The following PHACTR2 variants were observed in gnomAD, a reference collection of about 807,000 sequenced individuals.
The protein encoded by PHACTR2 is phosphatase and actin regulator 2.
Under a neutral mutation model 76.0 loss-of-function variants are expected in PHACTR2, and 30 were observed. The ratio of observed to expected loss-of-function variants is 0.39; its 90% CI spans 0.30 to 0.54. The LOEUF (loss-of-function observed/expected upper bound fraction) is 0.54, where lower values mean the gene tolerates loss of function less well. PHACTR2 is among the 20% of genes least tolerant of loss of function. The pLI is 0.61. For synonymous variants in PHACTR2, 292 were observed against 292.5 expected, an observed-to-expected ratio of 1.00 and a Z score of 0.02; for missense variants, 696 against 781.1, an observed-to-expected ratio of 0.89 and a Z score of 1.30.
At chr6:143,607,257 C>A (rs1775889705), upstream of PHACTR2, among the ~76,000 whole-genome samples, 1 of 152,178 alleles carries the variant, frequency 6.6e-6, no homozygotes, top group African/African-American at 2.4e-5. Context: ...GAGGTCATTG[C>A]AAATCTTTGT....
In PHACTR2 at chr6:143,562,188, T is replaced by C. The variant is rs1459989399; in HGVS notation, c.217+24981T>C. Among the ~76,000 whole-genome samples the C allele has an allele frequency of 6.6e-6, 1 of 152,214 alleles. No homozygotes were observed. The highest frequency in any genetic ancestry group is 6.5e-5 in the Admixed American group (1 of 15,280). On this transcript the variant is annotated intron_variant, in intron 1 of 11. Coordinates refer to the PHACTR2 transcript ENST00000367584. The surrounding 1 kb of genome is among the most constrained non-coding windows in gnomAD (Gnocchi z 5.1). The stretch of plus-strand genomic sequence containing the variant: ...TCTGTTTACTTGATGTATTAGGCCA[T>C]TCTTGCACTGCTATGAATAAATACC...
At chr6:143,768,126 A>G (rs942798738) in intron 6 of PHACTR2, among the ~76,000 whole-genome samples, 1 of 152,184 alleles carries the variant, frequency 6.6e-6, no homozygotes, top group Non-Finnish European at 1.5e-5. Context: ...GTGAGCCACC[A>G]TACCCAGCTA....
In PHACTR2 at chr6:143,824,814, C is replaced by G. The variant is rs11963739; in HGVS notation, c.*1125C>G. ...AAAGGACACAGATCAAAAAAACACC[C>G]AAAGGCTTAACAGAACATGGAAAGT... On this transcript the variant is annotated 3_prime_UTR_variant, in exon 13 of 13. Transcript: ENST00000440869. The surrounding 1 kb of genome is among the most constrained non-coding windows in gnomAD (Gnocchi z 6.3). The G allele has an allele frequency of 0.048, 7,287 of 151,774 alleles. 207 individuals carry two copies. The highest frequency in any genetic ancestry group is 0.13 in the South Asian group (601 of 4,800). 9.4% of individuals were successfully genotyped at this position (151,774 alleles called of 1,614,324 possible).
chr6:143,603,828 G>A (rs1775839232), upstream of PHACTR2, among the ~76,000 whole-genome samples: 1 of 152,178 alleles, frequency 6.6e-6, no homozygotes, highest in South Asian at 2.1e-4. Context: ...GCTGGGTGGG[G>A]TGGCTCATGC....
chr6:143,705,845 C>T (rs1041147661), intron 1 of PHACTR2, among the ~76,000 whole-genome samples: 1 of 152,194 alleles, frequency 6.6e-6, no homozygotes, highest in East Asian at 1.9e-4. Flanking sequence ...TCTTTCCATA[C>T]TGCACTCTTT....
Position 143,729,589 on chromosome 6 carries a change from AT to A in PHACTR2, c.214+17407del, listed in dbSNP as rs1230791934. ...TATTTCAATATCATTTGTTGAAAAG[AT>A]CATCCTTTTTCTATTAAGTTGCCTT... On this transcript the variant is annotated intron_variant, in intron 2 of 12. Transcript: ENST00000440869. 9.2e-5 allele frequency among the ~76,000 whole-genome samples: 14 copies of A among 152,282 alleles called. No homozygotes were observed. The Middle Eastern group carries it at 0.014, about 148-fold the overall frequency.
At chr6:143,661,724 T>A (rs1187821186) in intron 1 of PHACTR2, among the ~76,000 whole-genome samples, 2 of 151,862 alleles carry the variant, frequency 1.3e-5, no homozygotes, top group Non-Finnish European at 2.9e-5. Context: ...CCTGGCTAAT[T>A]TTTTGTATTT....
rs1281331844 is a variant in PHACTR2, at chr6:143,775,586, C to T, written c.1589+1371C>T. Among the ~76,000 whole-genome samples, 1 of 152,194 alleles carries T rather than the reference C, an allele frequency of 6.6e-6. No homozygotes were observed. The highest frequency in any genetic ancestry group is 1.9e-4 in the East Asian group (1 of 5,200). On this transcript the variant is annotated intron_variant, in intron 8 of 12. Transcript: ENST00000440869. The surrounding 1 kb of genome is among the most constrained non-coding windows in gnomAD (Gnocchi z 4.4). ...CCAGAATTAGAATTTCGCTCCTGGG[C>T]TCTCTGCCCAATTTTCTTTTGTATA... is the stretch of plus-strand genomic sequence containing the variant.
Position 143,807,195 on chromosome 6 carries a change from G to T in PHACTR2, c.1922+62G>T. Reference sequence around the variant, plus strand: ...TTAAGATGTGATCCCATGTTGAGTTGGTTAAAAAAAGAAATTGCTTACAAT... The same window carrying T: ...TTAAGATGTGATCCCATGTTGAGTTTGTTAAAAAAAGAAATTGCTTACAAT... On this transcript the variant is annotated intron_variant, in intron 12 of 12. Transcript: ENST00000440869. The surrounding 1 kb of genome is among the most constrained non-coding windows in gnomAD (Gnocchi z 5.5). The T allele has an allele frequency of 2.1e-6, 2 of 949,668 alleles. No homozygotes were observed. The highest frequency in any genetic ancestry group is 4.9e-5 in the East Asian group (2 of 40,524). 58.8% of individuals were successfully genotyped at this position (949,668 alleles called of 1,614,324 possible). A position where few individuals can be genotyped will look rare whatever the true frequency, so the allele number is the denominator to read the frequency against.
Position 143,791,409 on chromosome 6 carries a change from G to C in PHACTR2, c.1845+2499G>C, listed in dbSNP as rs1775687560. ...TGATTTGCAACCTTGGCTACAAATTGGAATCACCTATAGATCTTTAAGAAT... is the reference window on the plus strand; with the variant it reads ...TGATTTGCAACCTTGGCTACAAATTCGAATCACCTATAGATCTTTAAGAAT... On this transcript the variant is annotated intron_variant, in intron 11 of 12. Transcript: ENST00000440869. The surrounding 1 kb of genome is among the most constrained non-coding windows in gnomAD (Gnocchi z 4.7). Among the ~76,000 whole-genome samples, 1 of 152,176 alleles carries C rather than the reference G, an allele frequency of 6.6e-6. No homozygotes were observed. Among genetic ancestry groups the C allele is most frequent in the African/African-American group, 2.4e-5 (1 of 41,438 alleles).
rs1775578293 is a variant in PHACTR2, at chr6:143,787,271, G to C, written c.1708-1502G>C. 6.6e-6 allele frequency among the ~76,000 whole-genome samples: 1 copy of C among 152,198 alleles called. No individual in the cohort carries two copies. The highest frequency in any genetic ancestry group is 1.9e-4 in the East Asian group (1 of 5,188). On this transcript the variant is annotated intron_variant, in intron 10 of 12. Coordinates refer to ENST00000440869, the MANE Select transcript of PHACTR2 (RefSeq NM_001100164.2). This position sits in a 1 kb window ranked among gnomAD's most constrained non-coding sequence, Gnocchi z 4.6. ...AGAATTTCTAACCTATATTGCCATT[G>C]GTCACTTTCCTTCTAGCCAGTTCTT...
At chr6:143,628,963 A>G (rs1182894953) in intron 1 of PHACTR2, among the ~76,000 whole-genome samples, 2 of 99,848 alleles carry the variant, frequency 2.0e-5, no homozygotes, top group African/African-American at 4.0e-5. Context: ...ATATATATAT[A>G]TATATATATA....
rs199519104 is a variant in PHACTR2 at position 143,784,344 on chromosome 6, T to C, written c.1707+1064T>C. Among the ~76,000 whole-genome samples, 31 of 152,368 alleles carry C rather than the reference T, an allele frequency of 2.0e-4. 1 individual carries two copies. The East Asian group carries it at 5.6e-3, about 27-fold the overall frequency. ...GTTAGGGCCATCACTTTTTTCTGTG[T>C]TAAAGTAATAGCCTTTGGAAAAATC... On this transcript the variant is annotated intron_variant, in intron 10 of 12. Coordinates refer to ENST00000440869, the MANE Select transcript of PHACTR2 (RefSeq NM_001100164.2). This position sits in a 1 kb window ranked among gnomAD's most constrained non-coding sequence, Gnocchi z 4.5.
In PHACTR2 at chr6:143,616,851, C is replaced by T. The variant is rs995011674; in HGVS notation, c.13+8529C>T. ...CTAAGGAATGAAAAGGAATCAGCCA[C>T]GTGAGAGCCAGGGTAAAAATGTGTC... is the stretch of plus-strand genomic sequence containing the variant. On this transcript the variant is annotated intron_variant, in intron 1 of 11. Coordinates refer to the PHACTR2 transcript ENST00000305766. This position sits in a 1 kb window ranked among gnomAD's most constrained non-coding sequence, Gnocchi z 4.9. Among the ~76,000 whole-genome samples, 7 of 152,154 alleles carry T rather than the reference C, an allele frequency of 4.6e-5. No individual in the cohort carries two copies. Among genetic ancestry groups the T allele is most frequent in the African/African-American group, 7.2e-5 (3 of 41,518 alleles).
rs1776078599 is a variant in PHACTR2 at position 143,806,943 on chromosome 6, C to T, written c.1846-114C>T. The T allele has an allele frequency of 3.0e-5, 17 of 560,342 alleles. No homozygotes were observed. The highest frequency in any genetic ancestry group is 4.4e-5 in the Non-Finnish European group (14 of 314,854). 34.7% of individuals were successfully genotyped at this position (560,342 alleles called of 1,614,324 possible). On this transcript the variant is annotated intron_variant, in intron 11 of 12. Transcript: ENST00000440869. The surrounding 1 kb of genome is among the most constrained non-coding windows in gnomAD (Gnocchi z 5.8). ...CTCCACTCCAGCTTGGATGACAGAG[C>T]GAGACTCTATCTCTTAAAAAAAAAA... is the stretch of plus-strand genomic sequence containing the variant.
chr6:143,769,508 C>T (rs542551777), intron 6 of PHACTR2, among the ~76,000 whole-genome samples: 1 of 152,196 alleles, frequency 6.6e-6, no homozygotes, highest in Non-Finnish European at 1.5e-5. Flanking sequence ...AGTCTTCAGT[C>T]TGGATTCTAG....
chr6:143,745,597 C>T (rs1171752882), intron 2 of PHACTR2, among the ~76,000 whole-genome samples: 1 of 152,208 alleles, frequency 6.6e-6, no homozygotes, highest in African/African-American at 2.4e-5. Context: ...TGCAAACATG[C>T]AGGCACTATA....
chr6:143,712,229 G>A (rs3762004), intron 2 of PHACTR2, 46 bp downstream of exon 2: 138,294 of 1,248,304 alleles, frequency 0.11, 9,747 homozygotes, highest in East Asian at 0.35. Context: ...ATTGTAAAAC[G>A]TTTTAAAAGG....
intron 1 of PHACTR2, among the ~76,000 whole-genome samples, chr6:143,704,772 T>C (rs1326996796): frequency 6.6e-6 from 1 of 152,164 alleles, no homozygotes; most frequent in African/African-American, 2.4e-5. Flanking sequence ...CTCCTTAGGC[T>C]TCTCTGGTCT....
Sources: gnomAD v4.1 joint callset for allele counts (sites outside exome capture counted in the v4.1 genomes callset) on GRCh38, gnomAD v4.1.1 for gene constraint, Gnocchi (gnomAD v3.1) non-coding constraint, MANE v1.5 for transcripts, NCBI Gene and HGNC (gene_info 2026-07-23, HGNC 2026-07-21) for gene names.